The following PPTC7 variants were observed in gnomAD, a reference collection of about 807,000 sequenced individuals.
The protein encoded by PPTC7 is protein phosphatase targeting COQ7, also known as protein phosphatase PTC7 homolog.
PPTC7 carries 6 observed loss-of-function variants against 30.8 expected under a neutral mutation model. That is an observed-to-expected ratio of 0.19 (90% CI 0.11 to 0.38). The LOEUF is 0.38. Ranked by LOEUF, PPTC7 falls within the 10% of genes least tolerant of loss-of-function variation. The pLI is 1.00. For missense variants in PPTC7, 218 were observed against 404.8 expected (o/e 0.54, Z 3.96); for synonymous variants, 163 against 168.1 (o/e 0.97, Z 0.23).
intron 1 of PPTC7, among the ~76,000 whole-genome samples, chr12:110,554,279 TC>T (rs1460616971): frequency 6.6e-6 from 1 of 152,214 alleles, no homozygotes; most frequent in African/African-American, 2.4e-5. Flanking sequence ...GCTTAAGTGA[TC>T]CTCCTACCTC....
intron 1 of PPTC7, among the ~76,000 whole-genome samples, chr12:110,570,558 A>C: frequency 2.8e-5 from 1 of 35,948 alleles, no homozygotes. Context: ...TGGGCAATGG[A>C]ATGTCTCGGT....
At chr12:110,572,807 C>T (rs1370343693) in intron 1 of PPTC7, among the ~76,000 whole-genome samples, 6 of 152,206 alleles carry the variant, frequency 3.9e-5, no homozygotes, top group Non-Finnish European at 8.8e-5. Context: ...AGAGCAATTT[C>T]ACCACAGTTG....
intron 1 of PPTC7, among the ~76,000 whole-genome samples, chr12:110,572,440 TAAAAACA>T (rs756674501): frequency 7.8e-4 from 119 of 152,040 alleles, no homozygotes; most frequent in African/African-American, 2.5e-3. Flanking sequence ...GACTCCGTCT[TAAAAACA>T]AAAAACAAAA....
At chr12:110,572,581 A>G (rs952563099) in intron 1 of PPTC7, among the ~76,000 whole-genome samples, 20 of 152,250 alleles carry the variant, frequency 1.3e-4, no homozygotes, top group African/African-American at 4.8e-4. Context: ...AAGTAAAAAT[A>G]GTACTGGGCC....
intron 1 of PPTC7, among the ~76,000 whole-genome samples, chr12:110,566,678 A>C (rs1190563134): frequency 1.3e-5 from 2 of 152,112 alleles, no homozygotes; most frequent in African/African-American, 2.4e-5. Context: ...AGAGTCTTTG[A>C]CCCATGTTTG....
chr12:110,566,210 G>A (rs1379584998), intron 1 of PPTC7, among the ~76,000 whole-genome samples: 1 of 152,096 alleles, frequency 6.6e-6, no homozygotes, highest in African/African-American at 2.4e-5. Context: ...ACTCAACAAG[G>A]CTTGTTAAGT....
chr12:110,558,496 TTAAG>T (rs1223126047), intron 1 of PPTC7, among the ~76,000 whole-genome samples: 1 of 152,266 alleles, frequency 6.6e-6, no homozygotes, highest in African/African-American at 2.4e-5. Flanking sequence ...CACATCTAGC[TTAAG>T]TGTTTCCCTT....
At position 110,536,850 on chromosome 12, in the gene PPTC7, T is replaced by G; in HGVS notation, c.*187A>C. On this transcript the variant is annotated 3_prime_UTR_variant, in exon 6 of 6. Transcript: ENST00000354300. ...TCTCTTCAATTGCTGCCGGCAGATA[T>G]GAGCTAGTGAATGATAGTAGTGGTT... The G allele has an allele frequency of 1.5e-5, 8 of 542,550 alleles. No homozygotes were observed. The highest frequency in any genetic ancestry group is 8.8e-5 in the East Asian group (3 of 34,184). The allele number at this position is 542,550 out of a possible 1,614,324, so 33.6% of individuals were successfully genotyped here. A position where few individuals can be genotyped will look rare whatever the true frequency, so the allele number is the denominator to read the frequency against.
chr12:110,578,278 C>T (rs2135798392), intron 1 of PPTC7, among the ~76,000 whole-genome samples: 1 of 152,234 alleles, frequency 6.6e-6, no homozygotes, highest in South Asian at 2.1e-4. Context: ...TATTTTTGTG[C>T]ACCTAGGAAG....
intron 1 of PPTC7, among the ~76,000 whole-genome samples, chr12:110,561,566 A>G (rs1386994620): frequency 3.9e-5 from 6 of 152,122 alleles, no homozygotes; most frequent in Admixed American, 3.9e-4. Flanking sequence ...TTGCCCCCCA[A>G]CACAGCCTTG....
intron 1 of PPTC7, among the ~76,000 whole-genome samples, chr12:110,561,418 A>G (rs1593157372): frequency 6.6e-6 from 1 of 150,984 alleles, no homozygotes. Context: ...GGTTCAAGTG[A>G]CTCTCCTGCC....
At chr12:110,557,466 A>G (rs1396362828) in intron 1 of PPTC7, among the ~76,000 whole-genome samples, 1 of 151,982 alleles carries the variant, frequency 6.6e-6, no homozygotes, top group Non-Finnish European at 1.5e-5. Context: ...TTTTGTAGAA[A>G]CAGGGTCTCA....
At chr12:110,573,912 C>T (rs1490982305) in intron 1 of PPTC7, among the ~76,000 whole-genome samples, 1 of 151,708 alleles carries the variant, frequency 6.6e-6, no homozygotes, top group African/African-American at 2.4e-5. Flanking sequence ...ACCCGGGAGG[C>T]GGAGGTTACG....
At chr12:110,572,227 C>T (rs902608746) in intron 1 of PPTC7, among the ~76,000 whole-genome samples, 4 of 152,064 alleles carry the variant, frequency 2.6e-5, no homozygotes, top group African/African-American at 7.2e-5. Context: ...GGGTGGATCA[C>T]GAGGTCAGGA....
chr12:110,547,615 AAGAGT>A (rs1253887158), intron 2 of PPTC7, among the ~76,000 whole-genome samples: 1 of 152,210 alleles, frequency 6.6e-6, no homozygotes, highest in Non-Finnish European at 1.5e-5. Flanking sequence ...GTACACCAAA[AAGAGT>A]AAAGTTTACT....
intron 2 of PPTC7, chr12:110,546,322 TC>T (rs986096369): frequency 1.4e-5 from 7 of 504,242 alleles, no homozygotes; most frequent in Non-Finnish European, 2.1e-5. Flanking sequence ...TGATCTGAAT[TC>T]TTCCATTTGC....
chr12:110,539,113 A>T (rs2064238546), intron 4 of PPTC7, among the ~76,000 whole-genome samples: 1 of 152,206 alleles, frequency 6.6e-6, no homozygotes, highest in Admixed American at 6.5e-5. Flanking sequence ...GCGTGGCGCT[A>T]AGGAGTTCCT....
At chr12:110,570,826 A>C (rs895508115) in intron 1 of PPTC7, among the ~76,000 whole-genome samples, 6 of 151,228 alleles carry the variant, frequency 4.0e-5, no homozygotes, top group Admixed American at 4.0e-4. Context: ...ACCCACAGAT[A>C]ATCAATAAAT....
intron 3 of PPTC7, among the ~76,000 whole-genome samples, chr12:110,540,536 G>A (rs2064251140): frequency 6.6e-6 from 1 of 152,012 alleles, no homozygotes; most frequent in Non-Finnish European, 1.5e-5. Flanking sequence ...ATTTTTAGTA[G>A]AGACAGGGTT....
Sources: allele counts gnomAD v4.1 joint callset (sites outside exome capture counted in the v4.1 genomes callset), GRCh38; gene constraint gnomAD v4.1.1; transcripts MANE v1.5; gene names NCBI Gene and HGNC (gene_info 2026-07-23, HGNC 2026-07-21).